Variants in ARHGEF38 observed in about 807,000 individuals in gnomAD.
ARHGEF38 encodes the protein Rho guanine nucleotide exchange factor (GEF) 38.
Under a neutral mutation model 79.9 loss-of-function variants are expected in ARHGEF38, and 79 were observed. The observed-to-expected ratio is 0.99, with a 90% CI of 0.82 to 1.19. The LOEUF is 1.19. Among genes scored for constraint, ARHGEF38 ranks in the 50% most tolerant of loss-of-function variants. The pLI, the probability that ARHGEF38 is intolerant of heterozygous loss-of-function variation, is 0.00. For missense variants in ARHGEF38, 962 were observed against 907.2 expected (o/e 1.06, Z -0.78); for synonymous variants, 366 against 328.3 (o/e 1.11, Z -1.24).
chr4:105,591,525 G>A (rs537353673), intron 2 of ARHGEF38, among the ~76,000 whole-genome samples: 4 of 152,234 alleles, frequency 2.6e-5, no homozygotes, highest in Admixed American at 6.5e-5. Flanking sequence ...CACCATGCCC[G>A]GCCTCAGAAA....
Position 105,677,758 on chromosome 4 carries a change from T to C in ARHGEF38, c.2155T>C (p.Tyr719His). 6.9e-7 allele frequency: 1 copy of C among 1,454,566 alleles called. No individual in the cohort carries two copies. The highest frequency in any genetic ancestry group is 9.1e-7 in the Non-Finnish European group (1 of 1,097,254). The allele number at this position is 1,454,566 out of a possible 1,614,324, so 90.1% of individuals were successfully genotyped here. Residue 719 changes from tyrosine (Y) to histidine (H), a missense_variant, in exon 14 of 14, where the codon TAT becomes CAT. By Grantham distance (83) the Tyr-to-His change is moderately conservative. Coordinates refer to ENST00000420470, the MANE Select transcript of ARHGEF38 (RefSeq NM_001242729.2). ...SFQEVDEQIF[Y>H]AVHAFQARSD... ...CTTTTGTTTCTTTGTCTAGATTTTC[T>C]ATGCAGTTCATGCTTTTCAAGCACG...
intron 13 of ARHGEF38, among the ~76,000 whole-genome samples, chr4:105,674,573 GA>G (rs777862447): frequency 3.3e-5 from 5 of 151,944 alleles, no homozygotes; most frequent in Non-Finnish European, 7.4e-5. Flanking sequence ...ACTTAAAAAA[GA>G]GACTGAAAAT....
chr4:105,592,573 A>G (rs1462690882), intron 2 of ARHGEF38, among the ~76,000 whole-genome samples: 1 of 152,068 alleles, frequency 6.6e-6, no homozygotes, highest in East Asian at 1.9e-4. Context: ...CTTCCCTGCA[A>G]CAACTTACTC....
chr4:105,597,185 A>G (rs1727620645), intron 2 of ARHGEF38, among the ~76,000 whole-genome samples: 1 of 152,204 alleles, frequency 6.6e-6, no homozygotes, highest in Admixed American at 6.5e-5. Flanking sequence ...AAAATATTTT[A>G]TCTAGTAATT....
intron 6 of ARHGEF38, 116 bp from the exon 7 acceptor site, chr4:105,648,432 CA>C: frequency 1.0e-6 from 1 of 1,001,864 alleles, no homozygotes; most frequent in Non-Finnish European, 1.4e-6. Flanking sequence ...AGCAGAGGCT[CA>C]AAAATCATAT....
At chr4:105,604,129 A>C (rs147790908) in intron 2 of ARHGEF38, among the ~76,000 whole-genome samples, 1 of 152,260 alleles carries the variant, frequency 6.6e-6, no homozygotes, top group Non-Finnish European at 1.5e-5. Context: ...AAGAGGTGCA[A>C]AGGCAAGGCC....
chr4:105,655,964 G>A (rs1020736313), intron 9 of ARHGEF38, among the ~76,000 whole-genome samples: 1 of 152,212 alleles, frequency 6.6e-6, no homozygotes, highest in Non-Finnish European at 1.5e-5. Flanking sequence ...GGGGTAGCCA[G>A]TGTCAGTGCA....
At chr4:105,553,681 A>G (rs1432568565) in intron 1 of ARHGEF38, among the ~76,000 whole-genome samples, 4 of 152,188 alleles carry the variant, frequency 2.6e-5, no homozygotes, top group African/African-American at 9.7e-5. Context: ...ATCCTGTCCT[A>G]TCTATCCTTT....
chr4:105,567,133 CCTGA>C (rs1204965687), intron 1 of ARHGEF38, among the ~76,000 whole-genome samples: 2 of 152,152 alleles, frequency 1.3e-5, no homozygotes, highest in Non-Finnish European at 2.9e-5. Flanking sequence ...TCTTTCTGTG[CCTGA>C]CTTTTTTCAC....
chr4:105,555,953 A>G (rs1379350919), intron 1 of ARHGEF38, among the ~76,000 whole-genome samples: 3 of 152,192 alleles, frequency 2.0e-5, no homozygotes, highest in Non-Finnish European at 4.4e-5. Context: ...TTAAAACGAT[A>G]GAACATGGCT....
intron 13 of ARHGEF38, among the ~76,000 whole-genome samples, chr4:105,675,149 T>A (rs576748038): frequency 0.023 from 3,483 of 152,284 alleles, 44 homozygotes; most frequent in Middle Eastern, 0.051. Context: ...CCAGTCCCTC[T>A]CCGCAAGAAT....
At chr4:105,594,415 T>C (rs1262613963) in intron 2 of ARHGEF38, among the ~76,000 whole-genome samples, 1 of 152,066 alleles carries the variant, frequency 6.6e-6, no homozygotes, top group African/African-American at 2.4e-5. Context: ...CAGATAACTA[T>C]AGCAATAATC....
chr4:105,648,116 G>A (rs1374983963), intron 6 of ARHGEF38, among the ~76,000 whole-genome samples: 1 of 151,700 alleles, frequency 6.6e-6, no homozygotes, highest in Non-Finnish European at 1.5e-5. Flanking sequence ...TCTCAAACTC[G>A]TGACCTCATG....
At position 105,589,384 on chromosome 4, in the gene ARHGEF38, T is replaced by C; in HGVS notation, c.333T>C (p.Asn111=). 5 of 1,614,070 alleles carry C rather than the reference T, an allele frequency of 3.1e-6. No homozygotes were observed. The highest frequency in any genetic ancestry group is 4.2e-6 in the Non-Finnish European group (5 of 1,179,968). Residue 111 remains asparagine, a synonymous_variant, in exon 2 of 14, where the codon AAT becomes AAC. Coordinates refer to ENST00000420470, the MANE Select transcript of ARHGEF38 (RefSeq NM_001242729.2). ...ELIQTEKDYL[N]DLELCVREVV... ...TACAGACAGAAAAGGATTATCTCAA[T>C]GATCTAGAGCTGTGTGTTAGGGAAG...
chr4:105,631,911 A>G (rs1411185830), intron 4 of ARHGEF38, among the ~76,000 whole-genome samples: 1 of 152,190 alleles, frequency 6.6e-6, no homozygotes, highest in Non-Finnish European at 1.5e-5. Flanking sequence ...AATAATTTTG[A>G]TTAGACCAGG....
rs61730210 is a variant in ARHGEF38, at chr4:105,667,277, A to T, written c.1838A>T (p.Glu613Val). ...GAAGGAGACTTGGTGGCTGTGATAGAACAGAAAGATCCACTGGGGAGTACA... is the reference window on the plus strand; with the variant it reads ...GAAGGAGACTTGGTGGCTGTGATAGTACAGAAAGATCCACTGGGGAGTACA... ...LLEGDLVAVI[E>V]QKDPLGSTSR... Residue 613 changes from glutamate (E) to valine (V), a missense_variant, in exon 12 of 14, where the codon GAA (glutamate) becomes GTA (valine). By Grantham distance (121) the Glu-to-Val change is moderately radical (BLOSUM62 -2). Coordinates refer to ENST00000420470, the MANE Select transcript of ARHGEF38 (RefSeq NM_001242729.2). 2.1e-4 allele frequency: 318 copies of T among 1,536,188 alleles called. No individual in the cohort carries two copies. In the African/African-American group the frequency reaches 4.1e-3, roughly 20 times the overall value.
At chr4:105,662,735 A>T (rs1730609033) in intron 10 of ARHGEF38, among the ~76,000 whole-genome samples, 1 of 152,174 alleles carries the variant, frequency 6.6e-6, no homozygotes, top group Admixed American at 6.5e-5. Flanking sequence ...GTCATGGTAG[A>T]AGGTGGGTTC....
intron 4 of ARHGEF38, among the ~76,000 whole-genome samples, chr4:105,635,248 TC>T (rs1729351432): frequency 6.6e-6 from 1 of 152,120 alleles, no homozygotes; most frequent in African/African-American, 2.4e-5. Context: ...CTGCAAAGTT[TC>T]AGCCTAAAAG....
At chr4:105,611,505 T>C (rs1160200143) in intron 2 of ARHGEF38, among the ~76,000 whole-genome samples, 1 of 152,078 alleles carries the variant, frequency 6.6e-6, no homozygotes, top group Admixed American at 6.6e-5. Flanking sequence ...ATTTGAGCCA[T>C]TGATAATAAT....
Sources: gnomAD v4.1 joint callset for allele counts (sites outside exome capture counted in the v4.1 genomes callset) on GRCh38, gnomAD v4.1.1 for gene constraint, MANE v1.5 for transcripts, NCBI Gene and HGNC (gene_info 2026-07-23, HGNC 2026-07-21) for gene names.